LARGE1: variants seen among roughly 807,000 people sequenced by gnomAD.
The protein encoded by LARGE1 is xylosyl- and glucuronyltransferase LARGE1.
Under a neutral mutation model 87.6 loss-of-function variants are expected in LARGE1, and 43 were observed. The observed-to-expected ratio is 0.49, with a 90% CI of 0.38 to 0.63. LARGE1 has a LOEUF of 0.63. Ranked by LOEUF, LARGE1 falls within the 30% of genes least tolerant of loss-of-function variation. The pLI is 0.00. For synonymous variants in LARGE1, 434 were observed against 394.6 expected (o/e 1.10, Z -1.18); for missense variants, 802 against 1,000.2 (o/e 0.80, Z 2.67).
intron 1 of LARGE1, among the ~76,000 whole-genome samples, chr22:33,829,760 T>C (rs1345854927): frequency 6.6e-6 from 1 of 152,134 alleles, no homozygotes; most frequent in East Asian, 1.9e-4. Flanking sequence ...CAAGGACCCC[T>C]CCTGGGTGCT....
chr22:33,694,855 T>C (rs570926998), intron 2 of LARGE1, among the ~76,000 whole-genome samples: 33 of 152,280 alleles, frequency 2.2e-4, no homozygotes, highest in African/African-American at 6.7e-4. Flanking sequence ...AGCACTGACT[T>C]TGGGGGCATG....
At chr22:33,581,007 G>A (rs1189031951) in intron 5 of LARGE1, among the ~76,000 whole-genome samples, 1 of 152,204 alleles carries the variant, frequency 6.6e-6, no homozygotes, top group Non-Finnish European at 1.5e-5. Flanking sequence ...TGATGATGAT[G>A]ACAAAAGTAA....
chr22:33,821,952 G>GA (rs2086837391), intron 1 of LARGE1, among the ~76,000 whole-genome samples: 1 of 137,724 alleles, frequency 7.3e-6, no homozygotes, highest in African/African-American at 2.7e-5. Context: ...ACTTTTTTAG[G>GA]TTTTTTTTTT....
intron 6 of LARGE1, among the ~76,000 whole-genome samples, chr22:33,477,931 C>T (rs904615895): frequency 1.3e-5 from 2 of 152,214 alleles, no homozygotes; most frequent in Non-Finnish European, 2.9e-5. Context: ...TGGGCAGCAT[C>T]TCTATTTGCA....
chr22:33,162,221 T>C (rs1182491081), downstream of LARGE1: 1 of 152,216 alleles, frequency 6.6e-6, no homozygotes, highest in African/African-American at 2.4e-5. Flanking sequence ...TGCCCGAGAC[T>C]GCATGATTTA....
chr22:33,514,423 C>T (rs978586272), intron 6 of LARGE1, among the ~76,000 whole-genome samples: 8 of 152,012 alleles, frequency 5.3e-5, no homozygotes, highest in Non-Finnish European at 1.0e-4. Flanking sequence ...TCTACATTTG[C>T]GACTTCATCC....
At chr22:33,594,640 C>G (rs1282288989) in intron 5 of LARGE1, among the ~76,000 whole-genome samples, 1 of 152,182 alleles carries the variant, frequency 6.6e-6, no homozygotes, top group Non-Finnish European at 1.5e-5. Context: ...GAGTTTTGCT[C>G]TTGTCGCCCA....
intron 6 of LARGE1, among the ~76,000 whole-genome samples, chr22:33,434,361 C>T (rs2067188816): frequency 6.6e-6 from 1 of 152,126 alleles, no homozygotes; most frequent in Non-Finnish European, 1.5e-5. Context: ...AGTGCAGTGG[C>T]GCAATCTGGG....
At chr22:33,372,955 AAAAAG>A (rs2064868599) in intron 9 of LARGE1, among the ~76,000 whole-genome samples, 1 of 152,174 alleles carries the variant, frequency 6.6e-6, no homozygotes, top group South Asian at 2.1e-4. Context: ...AAGGATAGTT[AAAAAG>A]AAAAGAGCAT....
chr22:33,499,602 C>T (rs1432014578), intron 6 of LARGE1, among the ~76,000 whole-genome samples: 1 of 152,146 alleles, frequency 6.6e-6, no homozygotes, highest in Non-Finnish European at 1.5e-5. Flanking sequence ...CCTGTCCTAT[C>T]TCTGTTTTTT....
At chr22:33,613,943 C>T (rs1201849513) in intron 4 of LARGE1, among the ~76,000 whole-genome samples, 1 of 152,154 alleles carries the variant, frequency 6.6e-6, no homozygotes, top group Non-Finnish European at 1.5e-5. Flanking sequence ...GCCTCATTCA[C>T]CCAGCCTCAT....
chr22:33,654,130 T>TC (rs1013666737), intron 2 of LARGE1, among the ~76,000 whole-genome samples: 4 of 152,192 alleles, frequency 2.6e-5, no homozygotes, highest in African/African-American at 4.8e-5. Flanking sequence ...GCGGGGGTTT[T>TC]CCCACTTTTA....
Position 33,761,496 on chromosome 22 carries a change from C to T in LARGE1, c.-20G>A. On this transcript the variant is annotated 5_prime_UTR_variant, in exon 2 of 15. Coordinates refer to ENST00000397394, the MANE Select transcript of LARGE1 (RefSeq NM_133642.5). ...CAGCATCCTCTCAGAAGTGGCAATC[C>T]CTAATCCCAGCGCCGTTTCTCTGTC... 6.3e-7 allele frequency: 1 copy of T among 1,588,748 alleles called. No homozygotes were observed. The highest frequency in any genetic ancestry group is 8.6e-7 in the Non-Finnish European group (1 of 1,157,092).
intron 3 of LARGE1, among the ~76,000 whole-genome samples, chr22:33,630,398 G>A (rs999128744): frequency 3.3e-5 from 5 of 152,008 alleles, no homozygotes; most frequent in Non-Finnish European, 5.9e-5. Context: ...TTTGTCTTCC[G>A]AGCAACTTTA....
At chr22:33,537,715 T>C (rs972656042) in intron 6 of LARGE1, among the ~76,000 whole-genome samples, 1 of 152,096 alleles carries the variant, frequency 6.6e-6, no homozygotes, top group East Asian at 1.9e-4. Context: ...TACAGGCACA[T>C]GCCACCATGC....
chr22:33,884,993 G>A (rs952572801), intron 1 of LARGE1, among the ~76,000 whole-genome samples: 1 of 152,212 alleles, frequency 6.6e-6, no homozygotes, highest in Non-Finnish European at 1.5e-5. Flanking sequence ...GGAAGAATAC[G>A]AATAATTACT....
chr22:33,919,184 C>T (rs1287842403), intron 1 of LARGE1, among the ~76,000 whole-genome samples: 2 of 151,546 alleles, frequency 1.3e-5, no homozygotes, highest in Non-Finnish European at 2.9e-5. Context: ...ACAATCTGTT[C>T]CCTCCGAAGT....
At chr22:33,328,580 AAATAATAATAAT>A (rs143321654) in intron 10 of LARGE1, among the ~76,000 whole-genome samples, 3 of 146,424 alleles carry the variant, frequency 2.0e-5, no homozygotes, top group African/African-American at 2.5e-5. Flanking sequence ...CTCTCTCTCA[AAATAATAATAAT>A]AATAATAATA....
At chr22:33,151,491 G>C in the LARGE1 span, among the ~76,000 whole-genome samples, 71 of 152,292 alleles carry the variant, frequency 4.7e-4, no homozygotes, top group African/African-American at 1.6e-3. Flanking sequence ...TCAAATAGCA[G>C]TGAAAGACAT....
Sources: gnomAD v4.1 joint callset for allele counts (sites outside exome capture counted in the v4.1 genomes callset) on GRCh38, gnomAD v4.1.1 for gene constraint, MANE v1.5 for transcripts, NCBI Gene and HGNC (gene_info 2026-07-23, HGNC 2026-07-21) for gene names.